ZFHX3: variants seen among roughly 807,000 people sequenced by gnomAD.
ZFHX3 encodes the protein zinc finger homeobox protein 3.
Under a neutral mutation model 279.1 loss-of-function variants are expected in ZFHX3, and 42 were observed. The ratio of observed to expected loss-of-function variants is 0.15; its 90% CI spans 0.12 to 0.19. The LOEUF (loss-of-function observed/expected upper bound fraction) is 0.19. ZFHX3 is among the 10% of genes least tolerant of loss of function. The pLI, the probability that ZFHX3 is intolerant of heterozygous loss-of-function variation, is 1.00. For missense variants in ZFHX3, 4,981 were observed against 4,754.0 expected (o/e 1.05, Z -1.40); for synonymous variants, 2,293 against 1,957.8 (o/e 1.17, Z -4.52).
At chr16:73,481,835 T>C (rs2018875317) in intron 2 of ZFHX3, among the ~76,000 whole-genome samples, 1 of 152,064 alleles carries the variant, frequency 6.6e-6, no homozygotes, top group Admixed American at 6.6e-5. Context: ...CCCTTTTGTT[T>C]AAAATACGGC....
chr16:73,688,579 G>A (rs939334921), intron 1 of ZFHX3, among the ~76,000 whole-genome samples: 1 of 152,056 alleles, frequency 6.6e-6, no homozygotes, highest in Non-Finnish European at 1.5e-5. Flanking sequence ...AACAGACACT[G>A]CATCTGCTGG....
chr16:73,687,065 T>TATATATATATATATA (rs2053096293), intron 1 of ZFHX3, among the ~76,000 whole-genome samples: 6 of 120,248 alleles, frequency 5.0e-5, no homozygotes, highest in Non-Finnish European at 8.7e-5. Flanking sequence ...TATATATATA[T>TATATATATATATATA]TTGCAGCTTT....
At chr16:73,423,353 G>C (rs933505610) in intron 3 of ZFHX3, among the ~76,000 whole-genome samples, 2 of 152,164 alleles carry the variant, frequency 1.3e-5, no homozygotes, top group Admixed American at 1.3e-4. Flanking sequence ...GGCTGCAGCT[G>C]ACAAAGGTAA....
intron 7 of ZFHX3, chr16:72,809,652 C>A (rs1030442415): frequency 1.3e-5 from 2 of 152,200 alleles, no homozygotes; most frequent in Admixed American, 1.3e-4. Context: ...ACATCACTTA[C>A]AACGTTATTC....
Position 73,717,057 on chromosome 16 carries a change from GA to G in ZFHX3, c.-1607-36818del, listed in dbSNP as rs144401080. On this transcript the variant is annotated intron_variant, in intron 1 of 17. Coordinates refer to the ZFHX3 transcript ENST00000641206. ...TAGAACAGCAGAAAAAATAAAAGAAGAAAAGGAAATTTGCAGTATCTCAAGA... is the reference window on the plus strand; with the variant it reads ...TAGAACAGCAGAAAAAATAAAAGAAGAAAGGAAATTTGCAGTATCTCAAGA... 8.6e-3 allele frequency among the ~76,000 whole-genome samples: 1,313 copies of G among 152,182 alleles called. 25 individuals are homozygous for G. Among genetic ancestry groups the G allele is most frequent in the African/African-American group, 0.03 (1,263 of 41,516 alleles).
chr16:72,861,026 C>T (rs1035587256), intron 4 of ZFHX3, among the ~76,000 whole-genome samples: 1 of 152,220 alleles, frequency 6.6e-6, no homozygotes, highest in African/African-American at 2.4e-5. Context: ...ACCTGGCCAA[C>T]AGCAACGGGT....
At chr16:73,002,124 A>G (rs1466663227) in intron 1 of ZFHX3, among the ~76,000 whole-genome samples, 1 of 152,182 alleles carries the variant, frequency 6.6e-6, no homozygotes, top group African/African-American at 2.4e-5. Flanking sequence ...TCTTTTACAG[A>G]TAAAGCATCT....
chr16:73,889,000 G>T (rs187625704), intron 1 of ZFHX3, among the ~76,000 whole-genome samples: 124 of 151,902 alleles, frequency 8.2e-4, no homozygotes, highest in Non-Finnish European at 2.9e-5. Context: ...ACACCTCCAG[G>T]CTCCACCATC....
chr16:72,986,248 G>A (rs960137991), intron 1 of ZFHX3, among the ~76,000 whole-genome samples: 11 of 152,140 alleles, frequency 7.2e-5, no homozygotes, highest in Non-Finnish European at 1.5e-4. Flanking sequence ...AAGCACAGCC[G>A]ACAGCCACTC....
At chr16:73,454,974 T>C (rs570082572) in intron 3 of ZFHX3, among the ~76,000 whole-genome samples, 54 of 151,852 alleles carry the variant, frequency 3.6e-4, no homozygotes, top group African/African-American at 1.3e-3. Context: ...TCAGACCAAA[T>C]GAGAATGAAG....
intron 3 of ZFHX3, among the ~76,000 whole-genome samples, chr16:72,921,812 G>T (rs974550333): frequency 1.3e-5 from 2 of 152,234 alleles, no homozygotes; most frequent in African/African-American, 4.8e-5. Context: ...GCCAGGAGGA[G>T]ACAGGCCTTG....
intron 5 of ZFHX3, among the ~76,000 whole-genome samples, chr16:73,254,031 T>G (rs972061833): frequency 1.3e-5 from 2 of 152,198 alleles, no homozygotes; most frequent in Non-Finnish European, 2.9e-5. Context: ...TTTGCACATT[T>G]GGATCCATCC....
Position 73,351,869 on chromosome 16 carries a change from G to A in ZFHX3, c.-1290-33533C>T, listed in dbSNP as rs548714656. On this transcript the variant is annotated intron_variant, in intron 3 of 17. Coordinates refer to the ZFHX3 transcript ENST00000641206. Reference sequence around the variant, plus strand: ...CTCAAAGCCTCTGGTCCAGGTCCTTGTCTGTCAAATGTAGTATGACCTTTA... The same window carrying A: ...CTCAAAGCCTCTGGTCCAGGTCCTTATCTGTCAAATGTAGTATGACCTTTA... Among the ~76,000 whole-genome samples the A allele has an allele frequency of 5.3e-5, 8 of 152,318 alleles. No individual in the cohort carries two copies. The East Asian group carries it at 1.4e-3, about 26-fold the overall frequency.
chr16:72,881,385 GAA>G (rs71156127), intron 4 of ZFHX3, among the ~76,000 whole-genome samples: 1 of 151,740 alleles, frequency 6.6e-6, no homozygotes, highest in Admixed American at 6.6e-5. Context: ...GTCAATGTTT[GAA>G]AAAAATAATT....
In ZFHX3 at chr16:72,798,108, A is replaced by C; in HGVS notation, c.4574T>G (p.Leu1525Arg). Residue 1525 changes from leucine to arginine, a missense_variant, in exon 9 of 10, where the codon CTG becomes CGG. Physicochemically the swap from Leu to Arg is moderately radical, Grantham distance 102. Transcript: ENST00000268489. ...AAAATTGGGACCTTTTCTGAAAGGC[A>C]GAGCTCTCTTTGGCTCTGAGCCCGA... ...EDSGSEPKRA[L>R]PFRKGPNFTM... is the part of the protein sequence containing the mutation. 6.2e-7 allele frequency: 1 copy of C among 1,614,224 alleles called. No individual in the cohort carries two copies. Among genetic ancestry groups the C allele is most frequent in the Non-Finnish European group, 8.5e-7 (1 of 1,180,038 alleles).
At chr16:73,029,195 C>G (rs1393506510) in intron 1 of ZFHX3, among the ~76,000 whole-genome samples, 1 of 152,104 alleles carries the variant, frequency 6.6e-6, no homozygotes, top group Non-Finnish European at 1.5e-5. Context: ...TCAATGGCTC[C>G]CACCTGCTCC....
At chr16:73,713,711 C>T (rs2053387580) in intron 1 of ZFHX3, among the ~76,000 whole-genome samples, 1 of 151,790 alleles carries the variant, frequency 6.6e-6, no homozygotes. Flanking sequence ...GCTTACTGTC[C>T]ACAAATTCCA....
chr16:72,945,368 G>A (rs191431070), intron 3 of ZFHX3, among the ~76,000 whole-genome samples: 53 of 152,216 alleles, frequency 3.5e-4, no homozygotes, highest in Non-Finnish European at 3.7e-4. Context: ...GGCCACAAGA[G>A]CTGTCAGAGT....
At chr16:72,823,839 G>A (rs1004529162) in intron 5 of ZFHX3, among the ~76,000 whole-genome samples, 22 of 152,212 alleles carry the variant, frequency 1.4e-4, no homozygotes, top group South Asian at 1.2e-3. Flanking sequence ...ACTTAGTGGC[G>A]GAATTAGGCC....
Sources: allele counts gnomAD v4.1 joint callset (sites outside exome capture counted in the v4.1 genomes callset), GRCh38; gene constraint gnomAD v4.1.1; transcripts MANE v1.5; gene names NCBI Gene and HGNC (gene_info 2026-07-23, HGNC 2026-07-21).